Variants in AHI1 observed in about 807,000 individuals in gnomAD.
The protein encoded by AHI1 is jouberin.
A neutral mutation model predicts 149.3 loss-of-function variants in AHI1; 123 were observed. The observed-to-expected ratio is 0.82, with a 90% CI of 0.71 to 0.96. AHI1 has a LOEUF of 0.96. AHI1 is among the 40% of genes least tolerant of loss of function. The pLI, the probability that AHI1 is intolerant of heterozygous loss-of-function variation, is 0.00. For synonymous variants in AHI1, 475 were observed against 459.8 expected, an observed-to-expected ratio of 1.03 and a Z score of -0.42; for missense variants, 1,439 against 1,422.7, an observed-to-expected ratio of 1.01 and a Z score of -0.18.
intron 5 of AHI1, among the ~76,000 whole-genome samples, chr6:135,478,092 C>G (rs1278355362): frequency 6.6e-6 from 1 of 152,128 alleles, no homozygotes; most frequent in Non-Finnish European, 1.5e-5. Context: ...TGAGCCACAG[C>G]GCCGAGCCTC....
chr6:135,348,672 A>G (rs1385548269), intron 24 of AHI1, among the ~76,000 whole-genome samples: 2 of 152,200 alleles, frequency 1.3e-5, no homozygotes, highest in African/African-American at 4.8e-5. Flanking sequence ...GGCATTATAA[A>G]ACTCGTTAAT....
intron 26 of AHI1, among the ~76,000 whole-genome samples, chr6:135,315,574 C>G (rs935716414): frequency 6.6e-6 from 1 of 152,100 alleles, no homozygotes; most frequent in Admixed American, 6.6e-5. Context: ...TATATTAAAC[C>G]AAATCTGCCT....
chr6:135,334,360 CA>C (rs992277569), intron 24 of AHI1, among the ~76,000 whole-genome samples: 1 of 152,130 alleles, frequency 6.6e-6, no homozygotes, highest in Non-Finnish European at 1.5e-5. Context: ...TGTGAAGACA[CA>C]GCATGATGAT....
At chr6:135,478,954 AGG>A (rs35368469) in intron 5 of AHI1, among the ~76,000 whole-genome samples, 1,560 of 152,354 alleles carry the variant, frequency 0.01, 20 homozygotes, top group African/African-American at 0.034. Flanking sequence ...ATTAATTCAG[AGG>A]GTGAAAGCCT....
At chr6:135,302,909 T>C in intron 26 of AHI1, 1 of 817,892 alleles carries the variant, frequency 1.2e-6, no homozygotes, top group Non-Finnish European at 1.7e-6. Context: ...CTGCCCTTCT[T>C]TCCACACACA....
At chr6:135,407,121 A>AT (rs1223855851) in intron 21 of AHI1, among the ~76,000 whole-genome samples, 1 of 152,258 alleles carries the variant, frequency 6.6e-6, no homozygotes, top group Admixed American at 6.5e-5. Context: ...ACAATTATCT[A>AT]TTTTTTGTAT....
chr6:135,313,825 C>T (rs1463646561), intron 26 of AHI1, among the ~76,000 whole-genome samples: 1 of 152,102 alleles, frequency 6.6e-6, no homozygotes, highest in Non-Finnish European at 1.5e-5. Flanking sequence ...CTTTATGTTT[C>T]CTCTGGCAGA....
intron 23 of AHI1, among the ~76,000 whole-genome samples, chr6:135,372,306 G>T (rs1280994013): frequency 6.6e-6 from 1 of 152,106 alleles, no homozygotes; most frequent in Non-Finnish European, 1.5e-5. Flanking sequence ...AACTAGAACT[G>T]GTAGTGATAC....
At chr6:135,322,732 A>G (rs1486228277) in intron 25 of AHI1, among the ~76,000 whole-genome samples, 1 of 152,234 alleles carries the variant, frequency 6.6e-6, no homozygotes, top group Admixed American at 6.5e-5. Context: ...AACTTATTGT[A>G]GTTTTGTTTT....
At chr6:135,492,924 C>T (rs1344539866) in intron 3 of AHI1, 1 of 979,864 alleles carries the variant, frequency 1.0e-6, no homozygotes. Context: ...TGAACATATT[C>T]TCACATTAGA....
At chr6:135,334,988 T>G (rs185293421) in intron 24 of AHI1, among the ~76,000 whole-genome samples, 87 of 152,360 alleles carry the variant, frequency 5.7e-4, no homozygotes, top group Non-Finnish European at 7.8e-4. Flanking sequence ...GTTAATACTT[T>G]ATTTTACTGG....
chr6:135,397,721 ATTAG>A (rs1779421408), intron 22 of AHI1, among the ~76,000 whole-genome samples: 1 of 151,216 alleles, frequency 6.6e-6, no homozygotes. Context: ...TCTTTTAGTG[ATTAG>A]TTAAAATTTA....
intron 24 of AHI1, among the ~76,000 whole-genome samples, chr6:135,328,565 C>T (rs918134114): frequency 6.6e-6 from 1 of 152,054 alleles, no homozygotes; most frequent in Admixed American, 6.6e-5. Flanking sequence ...AACCAACCTC[C>T]ACCCTCTTAC....
intron 27 of AHI1, among the ~76,000 whole-genome samples, chr6:135,299,532 G>A (rs558013316): frequency 2.6e-5 from 4 of 152,210 alleles, no homozygotes; most frequent in South Asian, 2.1e-4. Context: ...TCACACTTCC[G>A]TTATATTTTG....
intron 23 of AHI1, among the ~76,000 whole-genome samples, chr6:135,360,793 TATAG>T (rs774751021): frequency 1.3e-4 from 20 of 152,200 alleles, no homozygotes; most frequent in Admixed American, 2.6e-4. Context: ...CTCAGGAATA[TATAG>T]ATAGAATAAA....
intron 24 of AHI1, among the ~76,000 whole-genome samples, chr6:135,346,288 G>A (rs949099595): frequency 9.9e-5 from 15 of 152,078 alleles, no homozygotes; most frequent in African/African-American, 3.4e-4. Flanking sequence ...TCCACCTCCC[G>A]GGTTCACGCC....
chr6:135,408,405 A>T (rs1390677497), intron 21 of AHI1, among the ~76,000 whole-genome samples: 2 of 152,044 alleles, frequency 1.3e-5, no homozygotes, highest in Non-Finnish European at 2.9e-5. Context: ...GCATTATTTG[A>T]TTATATTAAA....
intron 21 of AHI1, among the ~76,000 whole-genome samples, chr6:135,410,120 G>C (rs1781370148): frequency 6.6e-6 from 1 of 152,150 alleles, no homozygotes; most frequent in Admixed American, 6.5e-5. Flanking sequence ...AATACTCTGG[G>C]AGGCTGAGGC....
At chr6:135,448,229 C>T in intron 12 of AHI1, 61 bp downstream of exon 12, 1 of 1,193,502 alleles carries the variant, frequency 8.4e-7, no homozygotes, top group Admixed American at 2.8e-5. Flanking sequence ...GAAAAACATG[C>T]TATGTCACCA....
Sources: allele counts gnomAD v4.1 joint callset (sites outside exome capture counted in the v4.1 genomes callset), GRCh38; gene constraint gnomAD v4.1.1; transcripts MANE v1.5; gene names NCBI Gene and HGNC (gene_info 2026-07-23, HGNC 2026-07-21).